Variants in CTTNBP2 observed in about 807,000 individuals in gnomAD.
CTTNBP2 encodes cortactin-binding protein 2.
A neutral mutation model predicts 156.9 loss-of-function variants in CTTNBP2; 108 were observed. The observed-to-expected ratio is 0.69, with a 90% CI of 0.59 to 0.81. The LOEUF (loss-of-function observed/expected upper bound fraction) is 0.81. Ranked by LOEUF, CTTNBP2 falls within the 30% of genes least tolerant of loss-of-function variation. The probability of loss-of-function intolerance (pLI) is 0.00; values close to 1 mark genes in which losing one functional copy is unlikely to be tolerated. For missense variants in CTTNBP2, 1,924 were observed against 2,035.4 expected (o/e 0.95, Z 1.05); for synonymous variants, 767 against 751.8 (o/e 1.02, Z -0.33).
At chr7:117,847,819 CTTTTTTTTTTTTTTT>C (rs201419286) in intron 2 of CTTNBP2, among the ~76,000 whole-genome samples, 37,013 of 92,638 alleles carry the variant, frequency 0.4, 5,612 homozygotes, top group Middle Eastern at 0.55. Flanking sequence ...TTTGCCTAAC[CTTTTTTTTTTTTTTT>C]TTTTTTTTTT....
rs755923909 is a variant in CTTNBP2 at position 117,873,393 on chromosome 7, C to A, written c.23G>T (p.Cys8Phe). Residue 8 changes from cysteine (C) to phenylalanine (F), a missense_variant, in exon 1 of 23, where the codon TGC becomes TTC. By Grantham distance (205) the Cys-to-Phe change is radical. Coordinates refer to ENST00000160373, the MANE Select transcript of CTTNBP2 (RefSeq NM_033427.3). MATDGAS[C>F]EPDLSRAPED... ...CGGGGCCCGGGACAAGTCGGGCTCG[C>A]AGCTCGCGCCGTCCGTCGCCATCTT... 4 of 1,490,194 alleles carry A rather than the reference C, an allele frequency of 2.7e-6. No individual in the cohort carries two copies. The African/African-American group carries it at 5.8e-5, about 22-fold the overall frequency. 92.3% of individuals were successfully genotyped at this position (1,490,194 alleles called of 1,614,324 possible).
chr7:117,814,889 G>T (rs1192114652), intron 2 of CTTNBP2, among the ~76,000 whole-genome samples: 3 of 152,220 alleles, frequency 2.0e-5, no homozygotes, highest in East Asian at 3.8e-4. Flanking sequence ...TTGTCAAAAT[G>T]AGAGAAATGA....
chr7:117,865,599 C>T (rs918531625), intron 1 of CTTNBP2, among the ~76,000 whole-genome samples: 1 of 145,882 alleles, frequency 6.9e-6, no homozygotes, highest in African/African-American at 2.5e-5. Context: ...ATTGCTTGAA[C>T]CCAGGAGGCA....
At chr7:117,790,354 A>G (rs1476666390) in intron 4 of CTTNBP2, among the ~76,000 whole-genome samples, 2 of 152,244 alleles carry the variant, frequency 1.3e-5, no homozygotes, top group Non-Finnish European at 2.9e-5. Context: ...AGTAAAAAGC[A>G]ATGCTTTCTC....
In CTTNBP2 at chr7:117,792,338, T is replaced by C. The variant is rs760112507; in HGVS notation, c.858A>G (p.Lys286=). Residue 286 remains lysine (K), a synonymous_variant, in exon 4 of 23, where the codon AAA becomes AAG. Coordinates refer to ENST00000160373, the MANE Select transcript of CTTNBP2 (RefSeq NM_033427.3). This position sits in a 1 kb window ranked among gnomAD's most constrained non-coding sequence, Gnocchi z 4.2. ...CAGATATGGAAACCAAACGCCTATC[T>C]TTTGTCTTCCGTGGAAGAGAGAGGC... ...KPSLSLPRKT[K]DRRLVSISVG... 4.3e-6 allele frequency: 7 copies of C among 1,614,058 alleles called. No homozygotes were observed. In the East Asian group the frequency reaches 1.1e-4, roughly 26 times the overall value.
chr7:117,835,915 A>G (rs530474236), intron 2 of CTTNBP2, among the ~76,000 whole-genome samples: 1 of 152,198 alleles, frequency 6.6e-6, no homozygotes, highest in East Asian at 1.9e-4. Context: ...AGGTAATAAT[A>G]CCTAATATTA....
chr7:117,731,063 G>A (rs1424678045), intron 16 of CTTNBP2, among the ~76,000 whole-genome samples: 2 of 152,116 alleles, frequency 1.3e-5, no homozygotes, highest in African/African-American at 2.4e-5. Flanking sequence ...CATGGTACAA[G>A]GCTATTAAGA....
At chr7:117,712,839 C>T (rs919484660) in intron 22 of CTTNBP2, among the ~76,000 whole-genome samples, 6 of 152,080 alleles carry the variant, frequency 3.9e-5, no homozygotes, top group Admixed American at 2.0e-4. Flanking sequence ...AAAAATCTTG[C>T]GGCCAAAGAA....
chr7:117,735,859 G>T (rs932173494), intron 14 of CTTNBP2, among the ~76,000 whole-genome samples: 6 of 152,066 alleles, frequency 3.9e-5, no homozygotes, highest in African/African-American at 9.7e-5. Context: ...ATAATTTAGG[G>T]ATTCATACAC....
intron 2 of CTTNBP2, among the ~76,000 whole-genome samples, chr7:117,817,361 A>AATATATATATATAT (rs59036381): frequency 3.8e-5 from 2 of 53,308 alleles, no homozygotes; most frequent in African/African-American, 1.5e-4. Flanking sequence ...AAAAAAAAAA[A>AATATATATATATAT]ATATATATAT....
At chr7:117,719,726 T>TG in intron 20 of CTTNBP2, 90 bp from the exon 21 acceptor site, 1 of 1,071,164 alleles carries the variant, frequency 9.3e-7, no homozygotes. Context: ...GGATTTGGTG[T>TG]GGGGTAGGGA....
chr7:117,740,611 G>C (rs974950451), intron 14 of CTTNBP2, among the ~76,000 whole-genome samples: 1 of 152,232 alleles, frequency 6.6e-6, no homozygotes, highest in Non-Finnish European at 1.5e-5. Context: ...AGAGTAGCTG[G>C]TAGATAATCC....
At chr7:117,751,610 G>C (rs997892301) in intron 12 of CTTNBP2, among the ~76,000 whole-genome samples, 2 of 152,166 alleles carry the variant, frequency 1.3e-5, no homozygotes, top group African/African-American at 4.8e-5. Flanking sequence ...CTTCACGGTA[G>C]AAAGCATTTT....
At chr7:117,837,201 T>C (rs551249425) in intron 2 of CTTNBP2, among the ~76,000 whole-genome samples, 14 of 152,318 alleles carry the variant, frequency 9.2e-5, no homozygotes, top group African/African-American at 2.9e-4. Flanking sequence ...ATATATCTCT[T>C]AGGAGGTATT....
At chr7:117,723,068 A>G (rs1794892648) in intron 19 of CTTNBP2, among the ~76,000 whole-genome samples, 1 of 152,200 alleles carries the variant, frequency 6.6e-6, no homozygotes, top group African/African-American at 2.4e-5. Context: ...GCTGGAGTCT[A>G]GTGATTCTTA....
intron 2 of CTTNBP2, among the ~76,000 whole-genome samples, chr7:117,827,688 G>C (rs1801370635): frequency 6.6e-6 from 1 of 152,192 alleles, no homozygotes; most frequent in Admixed American, 6.5e-5. Context: ...TGGGGAAACA[G>C]TAGTGGCTGT....
In CTTNBP2 at chr7:117,792,810, T is replaced by A; in HGVS notation, c.415-29A>T. 1 of 1,433,628 alleles carries A rather than the reference T, an allele frequency of 7.0e-7. No individual in the cohort carries two copies. The highest frequency in any genetic ancestry group is 9.3e-7 in the Non-Finnish European group (1 of 1,077,776). 88.8% of individuals were successfully genotyped at this position (1,433,628 alleles called of 1,614,324 possible). A position where few individuals can be genotyped will look rare whatever the true frequency, so the allele number is the denominator to read the frequency against. On this transcript the variant is annotated intron_variant, in intron 3 of 22. Transcript: ENST00000160373. The surrounding 1 kb of genome is among the most constrained non-coding windows in gnomAD (Gnocchi z 4.2). ...AAAGAAATTCACAGGAAAACCCTGA[T>A]TAATATACAGAATTTTCTTTTCACC...
intron 8 of CTTNBP2, among the ~76,000 whole-genome samples, chr7:117,771,752 G>A (rs1222647985): frequency 6.6e-6 from 1 of 152,202 alleles, no homozygotes; most frequent in Non-Finnish European, 1.5e-5. Flanking sequence ...AGATTAAAAA[G>A]TAACTGTTCA....
intron 1 of CTTNBP2, among the ~76,000 whole-genome samples, chr7:117,867,753 T>C (rs1225831563): frequency 6.6e-6 from 1 of 152,162 alleles, no homozygotes; most frequent in African/African-American, 2.4e-5. Flanking sequence ...CTGCTTGATG[T>C]TCCACTTTAA....
Sources: gnomAD v4.1 joint callset for allele counts (sites outside exome capture counted in the v4.1 genomes callset) on GRCh38, gnomAD v4.1.1 for gene constraint, Gnocchi (gnomAD v3.1) non-coding constraint, MANE v1.5 for transcripts, NCBI Gene and HGNC (gene_info 2026-07-23, HGNC 2026-07-21) for gene names.